PIK3C2G: variants seen among roughly 807,000 people sequenced by gnomAD.
PIK3C2G encodes phosphatidylinositol-4-phosphate 3-kinase catalytic subunit type 2 gamma.
PIK3C2G carries 168 observed loss-of-function variants against 181.1 expected under a neutral mutation model. That is an observed-to-expected ratio of 0.93 (90% CI 0.82 to 1.05). The LOEUF (loss-of-function observed/expected upper bound fraction) is 1.05, where lower values mean the gene tolerates loss of function less well. Among genes scored for constraint, PIK3C2G ranks in the 50% least tolerant of loss-of-function variants. PIK3C2G has a pLI of 0.00. For synonymous variants in PIK3C2G, 573 were observed against 592.2 expected (o/e 0.97, Z 0.47); for missense variants, 1,869 against 1,732.8 (o/e 1.08, Z -1.40).
At chr12:18,550,883 G>T (rs1217509929) in intron 26 of PIK3C2G, among the ~76,000 whole-genome samples, 1 of 151,924 alleles carries the variant, frequency 6.6e-6, no homozygotes, top group East Asian at 1.9e-4. Flanking sequence ...AGCACTAAAG[G>T]GCTGCCCCTC....
chr12:18,398,316 A>G (rs1241334483), intron 15 of PIK3C2G, among the ~76,000 whole-genome samples: 1 of 152,216 alleles, frequency 6.6e-6, no homozygotes, highest in African/African-American at 2.4e-5. Flanking sequence ...ATGTTTTAGT[A>G]ATTTTACTAT....
At chr12:18,258,482 T>C (rs1346932475), upstream of PIK3C2G, among the ~76,000 whole-genome samples, 2 of 152,118 alleles carry the variant, frequency 1.3e-5, no homozygotes, top group Non-Finnish European at 2.9e-5. Flanking sequence ...TACTCTCTGC[T>C]CCTATTAATT....
intron 31 of PIK3C2G, among the ~76,000 whole-genome samples, chr12:18,613,365 G>C (rs1257698590): frequency 6.6e-6 from 1 of 151,970 alleles, no homozygotes; most frequent in Admixed American, 6.6e-5. Flanking sequence ...ACAACTCAAA[G>C]GTGGTACCTT....
chr12:18,446,298 T>G (rs901639089), intron 18 of PIK3C2G, among the ~76,000 whole-genome samples: 3 of 152,172 alleles, frequency 2.0e-5, no homozygotes, highest in African/African-American at 7.2e-5. Flanking sequence ...TGGACAACAT[T>G]CAGAGTCTCT....
chr12:18,681,691 G>C, the PIK3C2G span, among the ~76,000 whole-genome samples: 8 of 152,086 alleles, frequency 5.3e-5, no homozygotes, highest in African/African-American at 1.9e-4. Context: ...CGCAAAGTCC[G>C]TATTCCTAAT....
intron 11 of PIK3C2G, chr12:18,358,441 C>T (rs546955874): frequency 1.5e-5 from 3 of 203,026 alleles, no homozygotes; most frequent in African/African-American, 4.7e-5. Flanking sequence ...CTCACAGCAG[C>T]AGTGCTGACC....
chr12:18,356,410 T>C (rs1940734330), intron 11 of PIK3C2G, among the ~76,000 whole-genome samples: 1 of 152,080 alleles, frequency 6.6e-6, no homozygotes, highest in South Asian at 2.1e-4. Context: ...TTCTGGGTGC[T>C]GATAGGAGTA....
intron 24 of PIK3C2G, among the ~76,000 whole-genome samples, chr12:18,515,461 TA>T (rs1942475612): frequency 6.6e-6 from 1 of 152,058 alleles, no homozygotes; most frequent in Non-Finnish European, 1.5e-5. Flanking sequence ...ATATTATATG[TA>T]TCCAGTAATT....
At chr12:18,444,140 C>A (rs1273425805) in intron 18 of PIK3C2G, among the ~76,000 whole-genome samples, 2 of 152,142 alleles carry the variant, frequency 1.3e-5, no homozygotes, top group Non-Finnish European at 2.9e-5. Context: ...AATCTATACA[C>A]CCATTCTCCT....
At chr12:18,684,060 A>C in the PIK3C2G span, 1 of 1,548,134 alleles carries the variant, frequency 6.5e-7, no homozygotes, top group Admixed American at 1.7e-5. Flanking sequence ...TGGTATGTCA[A>C]AATGTGTCTT....
chr12:18,388,807 C>T (rs1396904612), intron 14 of PIK3C2G, among the ~76,000 whole-genome samples: 1 of 152,112 alleles, frequency 6.6e-6, no homozygotes, highest in African/African-American at 2.4e-5. Flanking sequence ...AGAAGTGAAG[C>T]AAGATGGATA....
chr12:18,563,336 A>T, intron 27 of PIK3C2G, 41 bp from the exon 28 acceptor site: 1 of 1,568,114 alleles, frequency 6.4e-7, no homozygotes, highest in Non-Finnish European at 8.7e-7. Flanking sequence ...TCACAGGCTG[A>T]TATTGCCATC....
In PIK3C2G at chr12:18,620,336, A is replaced by G. The variant is rs180973900; in HGVS notation, c.4182+10707A>G. 8.1e-4 allele frequency among the ~76,000 whole-genome samples: 123 copies of G among 152,260 alleles called. 2 individuals carry two copies. The highest frequency in any genetic ancestry group is 6.0e-3 in the Admixed American group (91 of 15,286). Reference sequence around the variant, plus strand: ...ACCCTGTCATCATTATAAAATGAACATCTTTATTTCTAGTAGTATTTTTTG... The same window carrying G: ...ACCCTGTCATCATTATAAAATGAACGTCTTTATTTCTAGTAGTATTTTTTG... On this transcript the variant is annotated intron_variant, in intron 31 of 32. Coordinates refer to ENST00000538779, the MANE Select transcript of PIK3C2G (RefSeq NM_001288772.2).
At chr12:18,458,204 T>A (rs1010711775) in intron 18 of PIK3C2G, among the ~76,000 whole-genome samples, 1 of 152,180 alleles carries the variant, frequency 6.6e-6, no homozygotes, top group Non-Finnish European at 1.5e-5. Flanking sequence ...TTGCTTTTCA[T>A]TTCCAAAAGT....
At chr12:18,265,700 TTA>T (rs2137020492) in intron 1 of PIK3C2G, among the ~76,000 whole-genome samples, 1 of 152,098 alleles carries the variant, frequency 6.6e-6, no homozygotes, top group Non-Finnish European at 1.5e-5. Flanking sequence ...TTTAATTTTT[TTA>T]TGTGTTTCTG....
intron 1 of PIK3C2G, among the ~76,000 whole-genome samples, chr12:18,249,705 T>C (rs1366807041): frequency 6.6e-6 from 1 of 152,092 alleles, no homozygotes; most frequent in Non-Finnish European, 1.5e-5. Flanking sequence ...TTGAACAGTA[T>C]ATATCTACAT....
chr12:18,381,848 G>C lies in PIK3C2G; in HGVS notation c.1963G>C (p.Asp655His), dbSNP rs764184362. 2.5e-6 allele frequency: 4 copies of C among 1,613,318 alleles called. No individual in the cohort carries two copies. In the East Asian group the frequency reaches 8.9e-5, roughly 36 times the overall value. ...PVEMITPGVW[D>H]VSQPSPVTLQ... is the part of the protein sequence containing the mutation. ...AGAAATGATAACTCCAGGAGTGTGG[G>C]ATGTAAGTCAGCCATCCCCGGTGAC... Residue 655 changes from aspartate (D) to histidine (H), a missense_variant, in exon 14 of 33, where the codon GAT becomes CAT. Physicochemically the swap from Asp to His is moderately conservative, Grantham distance 81 (BLOSUM62 -1). Transcript: ENST00000538779.
rs569129108 is a variant in PIK3C2G, at chr12:18,527,134, G to A, written c.3324-11022G>A. On this transcript the variant is annotated intron_variant, in intron 24 of 32. Coordinates refer to ENST00000538779, the MANE Select transcript of PIK3C2G (RefSeq NM_001288772.2). ...ACTCAGTAAGCCAATGCCCCATTGT[G>A]AACAAAGCAAGCATAAGATGGAAGG... 2.6e-5 allele frequency among the ~76,000 whole-genome samples: 4 copies of A among 152,200 alleles called. No individual in the cohort carries two copies. The South Asian group carries it at 8.3e-4, about 32-fold the overall frequency.
chr12:18,700,801 C>A, the PIK3C2G span, among the ~76,000 whole-genome samples: 2,048 of 152,126 alleles, frequency 0.013, 63 homozygotes, highest in African/African-American at 0.048. Flanking sequence ...GTGTCACATG[C>A]AACCTAATAT....
Sources: gnomAD v4.1 joint callset for allele counts (sites outside exome capture counted in the v4.1 genomes callset) on GRCh38, gnomAD v4.1.1 for gene constraint, MANE v1.5 for transcripts, NCBI Gene and HGNC (gene_info 2026-07-23, HGNC 2026-07-21) for gene names.